DHRS7C: variants seen among roughly 807,000 people sequenced by gnomAD.
The protein encoded by DHRS7C is dehydrogenase/reductase 7C.
A neutral mutation model predicts 29.6 loss-of-function variants in DHRS7C; 28 were observed. That is an observed-to-expected ratio of 0.95 (90% confidence interval 0.70 to 1.30). The LOEUF is 1.30. Among genes scored for constraint, DHRS7C ranks in the 50% most tolerant of loss-of-function variants. The pLI, the probability that DHRS7C is intolerant of heterozygous loss-of-function variation, is 0.00. For missense variants in DHRS7C, 403 were observed against 393.3 expected (o/e 1.02, Z -0.21); for synonymous variants, 158 against 160.2 (o/e 0.99, Z 0.10).
At chr17:9,787,091 G>A (rs1013538834) in intron 1 of DHRS7C, among the ~76,000 whole-genome samples, 5 of 151,960 alleles carry the variant, frequency 3.3e-5, no homozygotes, top group East Asian at 1.9e-4. Context: ...GATTACAGGC[G>A]TCCACCATCA....
chr17:9,772,652 C>T, intron 5 of DHRS7C, 115 bp downstream of exon 5: 3 of 1,362,600 alleles, frequency 2.2e-6, no homozygotes, highest in Non-Finnish European at 2.9e-6. Flanking sequence ...CCTCCTCCAC[C>T]CCCATCCCCA....
chr17:9,786,397 T>G (rs1332716725), intron 1 of DHRS7C, among the ~76,000 whole-genome samples: 1 of 150,204 alleles, frequency 6.7e-6, no homozygotes, highest in East Asian at 1.9e-4. Context: ...CCGCCTGATT[T>G]TTTTTTCTCA....
Position 9,772,826 on chromosome 17 carries a change from A to C in DHRS7C, c.668T>G (p.Phe223Cys), listed in dbSNP as rs2066338682. The C allele has an allele frequency of 1.2e-6, 2 of 1,613,896 alleles. No homozygotes were observed. The highest frequency in any genetic ancestry group is 2.2e-5 in the South Asian group (2 of 91,094). The change falls in exon 5 of 6, where the codon TTC becomes TGC. Residue 223 changes from phenylalanine to cysteine, a missense_variant. Transcript: ENST00000571134. ...TGGATACACGTGGTACGACCGGATGAAAGTCGGGCTCACGGTGCTGATGAC... is the reference window on the plus strand; with the variant it reads ...TGGATACACGTGGTACGACCGGATGCAAGTCGGGCTCACGGTGCTGATGAC... ...DVVISTVSPTFIRSYHVYPEQ... is the reference protein window; with the variant it reads ...DVVISTVSPTCIRSYHVYPEQ...
intron 2 of DHRS7C, 129 bp from the exon 3 acceptor site, chr17:9,780,164 A>G (rs1567701919): frequency 1.3e-6 from 1 of 786,416 alleles, no homozygotes; most frequent in Non-Finnish European, 2.0e-6. Context: ...AAAAAAAAAA[A>G]GACGAAGAAG....
chr17:9,780,116 C>A, intron 2 of DHRS7C, 81 bp from the exon 3 acceptor site: 3 of 1,192,888 alleles, frequency 2.5e-6, no homozygotes, highest in South Asian at 3.2e-5. Flanking sequence ...ATCTAAAAGC[C>A]ACCCATTTTG....
At chr17:9,778,078 C>T (rs2066372295) in intron 3 of DHRS7C, among the ~76,000 whole-genome samples, 1 of 152,040 alleles carries the variant, frequency 6.6e-6, no homozygotes, top group South Asian at 2.1e-4. Context: ...ATCTGGGAAA[C>T]CCAGCACCTC....
chr17:9,791,307 T>C lies in DHRS7C; in HGVS notation c.-23A>G. 1 of 1,611,674 alleles carries C rather than the reference T, an allele frequency of 6.2e-7. No individual in the cohort carries two copies. The highest frequency in any genetic ancestry group is 8.5e-7 in the Non-Finnish European group (1 of 1,179,010). On this transcript the variant is annotated 5_prime_UTR_variant, in exon 1 of 6. Transcript: ENST00000571134. ...CATCTTGTTCTGGGGGACAACGGAGTAAAAGGGGATTGGCTTTGCAAAGAG... is the reference window on the plus strand; with the variant it reads ...CATCTTGTTCTGGGGGACAACGGAGCAAAAGGGGATTGGCTTTGCAAAGAG...
At chr17:9,787,339 C>G (rs10459903) in intron 1 of DHRS7C, among the ~76,000 whole-genome samples, 11,304 of 152,242 alleles carry the variant, frequency 0.074, 572 homozygotes, top group East Asian at 0.23. Flanking sequence ...TTAGAACAGA[C>G]AGCTAGGAGC....
intron 3 of DHRS7C, among the ~76,000 whole-genome samples, chr17:9,778,394 CAAAAA>C (rs60847065): frequency 2.4e-5 from 2 of 82,984 alleles, no homozygotes; most frequent in South Asian, 4.2e-4. Context: ...GACTCCGTCT[CAAAAA>C]AAAAAAAAAA....
At chr17:9,788,569 A>G (rs1229210092) in intron 1 of DHRS7C, among the ~76,000 whole-genome samples, 1 of 152,196 alleles carries the variant, frequency 6.6e-6, no homozygotes, top group Admixed American at 6.5e-5. Context: ...CGCTTGGCCA[A>G]ATCCAGGAGG....
At chr17:9,786,630 A>G (rs750477815) in intron 1 of DHRS7C, among the ~76,000 whole-genome samples, 5 of 152,198 alleles carry the variant, frequency 3.3e-5, no homozygotes, top group Admixed American at 6.5e-5. Flanking sequence ...GGCTTTTATA[A>G]CAGAATTCAC....
chr17:9,785,461 C>A (rs2066418076), intron 1 of DHRS7C, among the ~76,000 whole-genome samples: 2 of 152,148 alleles, frequency 1.3e-5, no homozygotes, highest in South Asian at 4.1e-4. Context: ...GCCTGCAGAG[C>A]CAAAGAAGTC....
chr17:9,772,846 G>C lies in DHRS7C; in HGVS notation c.648C>G (p.Ile216Met), dbSNP rs2152014594. The C allele has an allele frequency of 6.2e-7, 1 of 1,613,994 alleles. No homozygotes were observed. The highest frequency in any genetic ancestry group is 8.5e-7 in the Non-Finnish European group (1 of 1,179,900). The change falls in exon 5 of 6, where the codon ATC (isoleucine) becomes ATG (methionine). Residue 216 changes from isoleucine (I) to methionine (M), a missense_variant. Ile to Met is a conservative substitution (Grantham distance 10). Coordinates refer to ENST00000571134, the MANE Select transcript of DHRS7C (RefSeq NM_001105571.3). ...GGATGAAAGTCGGGCTCACGGTGCT[G>C]ATGACAACATCGTATTCCTCCACTT... ...RAEVEEYDVV[I>M]STVSPTFIRS...
chr17:9,781,908 C>A (rs1322971370), intron 1 of DHRS7C, among the ~76,000 whole-genome samples: 2 of 152,218 alleles, frequency 1.3e-5, no homozygotes, highest in Non-Finnish European at 2.9e-5. Flanking sequence ...TCCCCCAGGA[C>A]CGCAGCCCTA....
intron 3 of DHRS7C, 49 bp downstream of exon 3, chr17:9,779,776 G>A: frequency 6.4e-7 from 1 of 1,556,634 alleles, no homozygotes; most frequent in South Asian, 1.2e-5. Flanking sequence ...AGAGGCCTCT[G>A]TAGAATCTGG....
intron 1 of DHRS7C, among the ~76,000 whole-genome samples, chr17:9,790,746 G>C (rs1482671317): frequency 2.6e-5 from 4 of 152,198 alleles, no homozygotes; most frequent in African/African-American, 9.6e-5. Context: ...GAAGTAACCA[G>C]CTAGTCATTG....
At chr17:9,781,897 G>C (rs1284941804) in intron 1 of DHRS7C, among the ~76,000 whole-genome samples, 1 of 152,128 alleles carries the variant, frequency 6.6e-6, no homozygotes, top group Non-Finnish European at 1.5e-5. Flanking sequence ...TGCCCACCTG[G>C]TCCCCCAGGA....
chr17:9,783,082 AG>A (rs2066402226), intron 1 of DHRS7C: 1 of 152,280 alleles, frequency 6.6e-6, no homozygotes. Flanking sequence ...GCAGGAGTGA[AG>A]GCAGAAAAGG....
At chr17:9,789,446 C>G (rs1368057578) in intron 1 of DHRS7C, among the ~76,000 whole-genome samples, 3 of 152,202 alleles carry the variant, frequency 2.0e-5, no homozygotes, top group Non-Finnish European at 2.9e-5. Context: ...CTGAGGATGT[C>G]AACCAAGCAT....
Sources: allele counts gnomAD v4.1 joint callset (sites outside exome capture counted in the v4.1 genomes callset), GRCh38; gene constraint gnomAD v4.1.1; transcripts MANE v1.5; gene names NCBI Gene and HGNC (gene_info 2026-07-23, HGNC 2026-07-21).